NTM: variants seen among roughly 807,000 people sequenced by gnomAD.
NTM encodes IgLON family member 2.
Under a neutral mutation model 42.1 loss-of-function variants are expected in NTM, and 13 were observed. The observed-to-expected ratio is 0.31, with a 90% CI of 0.20 to 0.49. NTM has a LOEUF of 0.49. Among genes scored for constraint, NTM ranks in the 20% least tolerant of loss-of-function variants. The pLI, the probability that NTM is intolerant of heterozygous loss-of-function variation, is 0.99. For missense variants in NTM, 373 were observed against 452.8 expected (o/e 0.82, Z 1.60); for synonymous variants, 187 against 179.2 (o/e 1.04, Z -0.35).
intron 1 of NTM, among the ~76,000 whole-genome samples, chr11:131,567,910 C>T (rs2057056059): frequency 6.6e-6 from 1 of 152,204 alleles, no homozygotes; most frequent in Non-Finnish European, 1.5e-5. Flanking sequence ...GAGGTGCAAT[C>T]ATAGCACATG....
chr11:131,660,437 G>C, intron 1 of NTM: 1 of 456,772 alleles, frequency 2.2e-6, no homozygotes, highest in South Asian at 1.6e-5. Flanking sequence ...TCATTTGAAA[G>C]AGCCCAGAAG....
chr11:132,108,596 T>C (rs1232836647), intron 2 of NTM, among the ~76,000 whole-genome samples: 1 of 152,054 alleles, frequency 6.6e-6, no homozygotes, highest in African/African-American at 2.4e-5. Flanking sequence ...GTTCGGGTGA[T>C]TGGTGCACCA....
chr11:131,591,626 T>C (rs2137290218), intron 1 of NTM, among the ~76,000 whole-genome samples: 1 of 152,312 alleles, frequency 6.6e-6, no homozygotes, highest in East Asian at 1.9e-4. Flanking sequence ...GGGTCACTGA[T>C]AAAGAAAACC....
intron 1 of NTM, among the ~76,000 whole-genome samples, chr11:131,748,719 T>C (rs1395636553): frequency 6.6e-6 from 1 of 152,224 alleles, no homozygotes; most frequent in Non-Finnish European, 1.5e-5. Flanking sequence ...TTTTAATTTA[T>C]TTAATCCGAT....
At chr11:131,581,218 C>T (rs1169772023) in intron 1 of NTM, among the ~76,000 whole-genome samples, 1 of 152,244 alleles carries the variant, frequency 6.6e-6, no homozygotes, top group Non-Finnish European at 1.5e-5. Context: ...GGGTTGCTGG[C>T]AGTCTTCCTG....
At chr11:131,470,553 G>T (rs1952340678) in intron 1 of NTM, among the ~76,000 whole-genome samples, 1 of 152,202 alleles carries the variant, frequency 6.6e-6, no homozygotes, top group South Asian at 2.1e-4. Flanking sequence ...GGAGAGGAAA[G>T]TGAGATAGTC....
intron 2 of NTM, among the ~76,000 whole-genome samples, chr11:132,143,610 T>TG (rs954969670): frequency 3.9e-5 from 6 of 152,172 alleles, no homozygotes; most frequent in Non-Finnish European, 8.8e-5. Flanking sequence ...GTACACATAG[T>TG]GGGCTCATGT....
intron 1 of NTM, among the ~76,000 whole-genome samples, chr11:131,786,979 A>T (rs1418805506): frequency 1.3e-5 from 2 of 151,248 alleles, no homozygotes; most frequent in African/African-American, 2.5e-5. Flanking sequence ...TCCTATAAAC[A>T]TCCATGCATA....
intron 1 of NTM, among the ~76,000 whole-genome samples, chr11:131,447,400 G>T (rs1026072364): frequency 4.6e-5 from 7 of 152,082 alleles, no homozygotes; most frequent in Non-Finnish European, 7.4e-5. Context: ...GATGAATTTT[G>T]GTTGCCTCTT....
chr11:131,509,077 A>G (rs2047905906), intron 1 of NTM, among the ~76,000 whole-genome samples: 1 of 152,190 alleles, frequency 6.6e-6, no homozygotes, highest in Non-Finnish European at 1.5e-5. Context: ...TGCTCAGTTA[A>G]TACTCAACCC....
intron 2 of NTM, among the ~76,000 whole-genome samples, chr11:132,108,051 T>C (rs151230688): frequency 2.0e-5 from 3 of 152,286 alleles, no homozygotes; most frequent in South Asian, 2.1e-4. Flanking sequence ...CTACTCCTTC[T>C]CAATAAAGGA....
chr11:131,876,221 C>T (rs1407893429), intron 1 of NTM, among the ~76,000 whole-genome samples: 9 of 152,314 alleles, frequency 5.9e-5, no homozygotes, highest in African/African-American at 2.2e-4. Flanking sequence ...ATGTGTGCTT[C>T]TCCAGCTGTG....
At chr11:131,732,754 G>A (rs915871597) in intron 1 of NTM, among the ~76,000 whole-genome samples, 1 of 152,162 alleles carries the variant, frequency 6.6e-6, no homozygotes, top group Non-Finnish European at 1.5e-5. Flanking sequence ...TCTTAGCGGA[G>A]TCTATTTGTG....
At chr11:131,703,548 A>G (rs985013004) in intron 1 of NTM, among the ~76,000 whole-genome samples, 1 of 152,226 alleles carries the variant, frequency 6.6e-6, no homozygotes, top group African/African-American at 2.4e-5. Context: ...AGTTATGTCA[A>G]CCAGATGGCA....
intron 1 of NTM, among the ~76,000 whole-genome samples, chr11:131,559,663 A>G (rs1341264037): frequency 6.6e-6 from 1 of 152,246 alleles, no homozygotes; most frequent in African/African-American, 2.4e-5. Flanking sequence ...TGGCTTAATC[A>G]AGGTAGAAAT....
chr11:131,745,045 G>A (rs1460406408), intron 1 of NTM, among the ~76,000 whole-genome samples: 1 of 152,214 alleles, frequency 6.6e-6, no homozygotes, highest in African/African-American at 2.4e-5. Context: ...TGTTTATAAA[G>A]GGATGTCAGT....
chr11:131,518,974 T>C (rs1212363203), intron 1 of NTM, among the ~76,000 whole-genome samples: 1 of 152,254 alleles, frequency 6.6e-6, no homozygotes, highest in East Asian at 1.9e-4. Flanking sequence ...CATTTTCCTT[T>C]TTATTTCTCT....
intron 1 of NTM, among the ~76,000 whole-genome samples, chr11:131,758,917 A>G (rs1340810735): frequency 1.3e-5 from 2 of 152,104 alleles, no homozygotes; most frequent in African/African-American, 4.8e-5. Context: ...TAAAGCCTGT[A>G]CCGGCCTAGA....
chr11:131,709,827 C>G (rs539314408), intron 1 of NTM, among the ~76,000 whole-genome samples: 1 of 152,132 alleles, frequency 6.6e-6, no homozygotes, highest in Non-Finnish European at 1.5e-5. Flanking sequence ...CTTAGGCACT[C>G]CAGCACTGAC....
Sources: gnomAD v4.1 joint callset for allele counts (sites outside exome capture counted in the v4.1 genomes callset) on GRCh38, gnomAD v4.1.1 for gene constraint, MANE v1.5 for transcripts, NCBI Gene and HGNC (gene_info 2026-07-23, HGNC 2026-07-21) for gene names.